The following INSYN2B variants were observed in gnomAD, a reference collection of about 807,000 sequenced individuals.
INSYN2B encodes inhibitory synaptic factor family member 2B, also known as protein INSYN2B.
INSYN2B carries 16 observed loss-of-function variants against 41.2 expected under a neutral mutation model. The observed-to-expected ratio is 0.39, with a 90% CI of 0.26 to 0.59. INSYN2B has a LOEUF of 0.59. Among genes scored for constraint, INSYN2B ranks in the 20% least tolerant of loss-of-function variants. The pLI is 0.57. For missense variants in INSYN2B, 608 were observed against 646.4 expected (o/e 0.94, Z 0.64); for synonymous variants, 245 against 244.4 (o/e 1.00, Z -0.02).
chr5:169,949,785 A>G (rs1279813106), intron 1 of INSYN2B, among the ~76,000 whole-genome samples: 2 of 147,164 alleles, frequency 1.4e-5, no homozygotes, highest in East Asian at 2.0e-4. Context: ...AAAGGAGCCA[A>G]CTGAGAAGGT....
At chr5:169,933,697 T>C (rs1259427787) in intron 1 of INSYN2B, among the ~76,000 whole-genome samples, 1 of 152,154 alleles carries the variant, frequency 6.6e-6, no homozygotes, top group Non-Finnish European at 1.5e-5. Context: ...AGTACCTGTG[T>C]GTATCAGCCT....
In INSYN2B at chr5:169,890,241, C is replaced by T. The variant is rs372635805; in HGVS notation, c.-918-5425G>A. Among the ~76,000 whole-genome samples the T allele has an allele frequency of 2.0e-5, 3 of 152,170 alleles. No individual in the cohort carries two copies. The South Asian group carries it at 6.2e-4, about 32-fold the overall frequency. On this transcript the variant is annotated intron_variant, in intron 1 of 3. Coordinates refer to ENST00000377365, the MANE Select transcript of INSYN2B (RefSeq NM_001129891.3). ...GTCCTGTTTCCTCAGTTACAGGATGCATTTCTAAAGTGTAGGGATATGTCT... is the reference window on the plus strand; with the variant it reads ...GTCCTGTTTCCTCAGTTACAGGATGTATTTCTAAAGTGTAGGGATATGTCT...
chr5:169,887,819 A>G (rs1773057977), intron 1 of INSYN2B, among the ~76,000 whole-genome samples: 1 of 152,192 alleles, frequency 6.6e-6, no homozygotes, highest in Non-Finnish European at 1.5e-5. Context: ...TCATCCTTCT[A>G]TGAAGTTCTA....
intron 1 of INSYN2B, among the ~76,000 whole-genome samples, chr5:169,901,556 C>T (rs1281858200): frequency 6.6e-6 from 1 of 151,982 alleles, no homozygotes; most frequent in Non-Finnish European, 1.5e-5. Flanking sequence ...GCAGGATGAA[C>T]CAGTGGGGAG....
At chr5:169,970,170 G>T (rs1777449794) in intron 1 of INSYN2B, among the ~76,000 whole-genome samples, 1 of 152,276 alleles carries the variant, frequency 6.6e-6, no homozygotes, top group African/African-American at 2.4e-5. Flanking sequence ...TTTTTAATTT[G>T]ATGTTCTTAA....
chr5:169,941,065 T>C (rs1318729486), intron 1 of INSYN2B, among the ~76,000 whole-genome samples: 3 of 152,118 alleles, frequency 2.0e-5, no homozygotes, highest in African/African-American at 7.2e-5. Flanking sequence ...AGGCAGATAT[T>C]AATCCAGTCA....
chr5:169,927,702 C>T (rs550361169), intron 1 of INSYN2B, among the ~76,000 whole-genome samples: 21 of 152,330 alleles, frequency 1.4e-4, no homozygotes, highest in East Asian at 1.2e-3. Flanking sequence ...CTGCAAGCTC[C>T]GCTTCCCGAG....
At chr5:169,979,108 A>G (rs1245416867) in intron 1 of INSYN2B, among the ~76,000 whole-genome samples, 1 of 152,138 alleles carries the variant, frequency 6.6e-6, no homozygotes, top group Non-Finnish European at 1.5e-5. Context: ...CCGGGATGAA[A>G]AGAGGGGGAT....
intron 1 of INSYN2B, among the ~76,000 whole-genome samples, chr5:169,898,922 GA>G (rs1432687001): frequency 2.0e-5 from 3 of 152,184 alleles, no homozygotes; most frequent in African/African-American, 7.2e-5. Context: ...CTAAAGTGAA[GA>G]AGCAAAAGGT....
chr5:169,934,794 CATT>C (rs1775913051), intron 1 of INSYN2B: 2 of 446,114 alleles, frequency 4.5e-6, no homozygotes, highest in Non-Finnish European at 9.1e-6. Context: ...TTGTTAGTTT[CATT>C]ATTATCTGTA....
chr5:169,932,135 G>A lies in INSYN2B; in HGVS notation c.-918-47319C>T, dbSNP rs144251404. On this transcript the variant is annotated intron_variant, in intron 1 of 3. Coordinates refer to ENST00000377365, the MANE Select transcript of INSYN2B (RefSeq NM_001129891.3). Reference sequence around the variant, plus strand: ...TATATAGTGAGATAAAGTGGCGTAAGAGCATATGATGGAGGTGACAGAAGC... The same window carrying A: ...TATATAGTGAGATAAAGTGGCGTAAAAGCATATGATGGAGGTGACAGAAGC... Among the ~76,000 whole-genome samples, 800 of 152,286 alleles carry A rather than the reference G, an allele frequency of 5.3e-3. 11 individuals are homozygous for A. The highest frequency in any genetic ancestry group is 0.018 in the African/African-American group (748 of 41,540).
chr5:169,938,492 A>G lies in INSYN2B; in HGVS notation c.-919+41785T>C, dbSNP rs376365528. Among the ~76,000 whole-genome samples, 14 of 152,336 alleles carry G rather than the reference A, an allele frequency of 9.2e-5. No individual in the cohort carries two copies. The South Asian group carries it at 2.7e-3, about 29-fold the overall frequency. ...CGAATACTGTAGGCAATTAGAACAC[A>G]TTGGTAAATGTAATGTGTTTTTCTA... is the stretch of plus-strand genomic sequence containing the variant. On this transcript the variant is annotated intron_variant, in intron 1 of 3. Transcript: ENST00000377365.
At chr5:169,869,432 A>G (rs1315273875) in intron 3 of INSYN2B, among the ~76,000 whole-genome samples, 2 of 152,212 alleles carry the variant, frequency 1.3e-5, no homozygotes, top group African/African-American at 4.8e-5. Flanking sequence ...GAAATTGATT[A>G]ATGTTTTTTA....
chr5:169,883,573 A>T lies in INSYN2B; in HGVS notation c.326T>A (p.Val109Asp), dbSNP rs1340791753. Residue 109 changes from valine to aspartate, a missense_variant, in exon 2 of 4, where the codon GTT becomes GAT. Val to Asp is a radical substitution (Grantham distance 152). Coordinates refer to ENST00000377365, the MANE Select transcript of INSYN2B (RefSeq NM_001129891.3). ...GGCTGTGAGTCTCTTCCTTTTGAAA[A>T]CTGGGAAATGCTTCCTGAGACTGGG... is the stretch of plus-strand genomic sequence containing the variant. ...TSPSLRKHFP[V>D]FKRKRLTASK... The T allele has an allele frequency of 1.3e-6, 2 of 1,551,548 alleles. No individual in the cohort carries two copies. The highest frequency in any genetic ancestry group is 2.4e-5 in the East Asian group (1 of 40,920).
At position 169,883,132 on chromosome 5, in the gene INSYN2B, G is replaced by A. The variant is rs749011750; in HGVS notation, c.767C>T (p.Thr256Ile). Residue 256 changes from threonine to isoleucine, a missense_variant, in exon 2 of 4, where the codon ACC becomes ATC. By Grantham distance (89) the Thr-to-Ile change is moderately conservative (BLOSUM62 -1). Coordinates refer to ENST00000377365, the MANE Select transcript of INSYN2B (RefSeq NM_001129891.3). The stretch of plus-strand genomic sequence containing the variant: ...AACGCTGGTGGCATTTAAGCAGGAG[G>A]TGGATTTTTCTGAATCTAGTGGAGT... The part of the protein sequence containing the change: ...RVTPLDSEKS[T>I]SCLNATSVAS... 1.6e-4 allele frequency: 250 copies of A among 1,551,534 alleles called. No homozygotes were observed. The highest frequency in any genetic ancestry group is 1.8e-4 in the Non-Finnish European group (207 of 1,146,952).
chr5:169,883,314 T>C lies in INSYN2B; in HGVS notation c.585A>G (p.Leu195=). The change falls in exon 2 of 4, where the codon TTA becomes TTG. Residue 195 remains leucine, a synonymous_variant. Coordinates refer to ENST00000377365, the MANE Select transcript of INSYN2B (RefSeq NM_001129891.3). The part of the protein sequence containing the change: ...ICLEAGTWRS[L]EKATAAIQVP... ...CCTGAATGGCAGCTGTGGCTTTCTC[T>C]AAGGACCTCCAAGTTCCTGCTTCCA... 2 of 1,551,588 alleles carry C rather than the reference T, an allele frequency of 1.3e-6. No individual in the cohort carries two copies. The highest frequency in any genetic ancestry group is 1.4e-5 in the African/African-American group (1 of 73,150).
chr5:169,870,379 G>C (rs1771878003), intron 3 of INSYN2B, among the ~76,000 whole-genome samples: 1 of 152,132 alleles, frequency 6.6e-6, no homozygotes, highest in Non-Finnish European at 1.5e-5. Context: ...GAAACAGTGA[G>C]TAACAAATAG....
intron 3 of INSYN2B, among the ~76,000 whole-genome samples, chr5:169,879,752 T>TG (rs1193204412): frequency 2.0e-5 from 3 of 152,196 alleles, no homozygotes; most frequent in African/African-American, 7.2e-5. Flanking sequence ...AAGGGACTCT[T>TG]GGGGCCATTT....
chr5:169,972,092 A>T (rs898020236), intron 1 of INSYN2B, among the ~76,000 whole-genome samples: 38 of 152,186 alleles, frequency 2.5e-4, no homozygotes, highest in African/African-American at 9.2e-4. Flanking sequence ...AAATTAATCA[A>T]ATTATAAAAT....
Sources: gnomAD v4.1 joint callset for allele counts (sites outside exome capture counted in the v4.1 genomes callset) on GRCh38, gnomAD v4.1.1 for gene constraint, MANE v1.5 for transcripts, NCBI Gene and HGNC (gene_info 2026-07-23, HGNC 2026-07-21) for gene names.